BCKDHA: variants seen among roughly 807,000 people sequenced by gnomAD.
BCKDHA encodes the protein branched chain keto acid dehydrogenase E1 subunit alpha, also known as 2-oxoisovalerate dehydrogenase subunit alpha, mitochondrial.
Under a neutral mutation model 52.2 loss-of-function variants are expected in BCKDHA, and 43 were observed. The ratio of observed to expected loss-of-function variants is 0.82; its 90% CI spans 0.64 to 1.06. The LOEUF is 1.06. Among genes scored for constraint, BCKDHA ranks in the 50% least tolerant of loss-of-function variants. BCKDHA has a pLI of 0.00. For synonymous variants in BCKDHA, 234 were observed against 247.9 expected (o/e 0.94, Z 0.53); for missense variants, 527 against 621.3 (o/e 0.85, Z 1.61).
chr19:41,420,151 G>C (rs1008967708), intron 5 of BCKDHA, among the ~76,000 whole-genome samples: 4 of 152,220 alleles, frequency 2.6e-5, no homozygotes, highest in African/African-American at 4.8e-5. Flanking sequence ...TCAGGGGCCT[G>C]AAGCCTGTGT....
At chr19:41,416,697 A>C (rs897184907) in intron 4 of BCKDHA, among the ~76,000 whole-genome samples, 8 of 151,996 alleles carry the variant, frequency 5.3e-5, no homozygotes, top group Non-Finnish European at 1.2e-4. Flanking sequence ...AGGCGGGAGG[A>C]TTGCTTGAGC....
chr19:41,405,128 C>T lies in BCKDHA; in HGVS notation c.109-5509C>T, dbSNP rs558357976. On this transcript the variant is annotated intron_variant, in intron 1 of 8. Coordinates refer to ENST00000269980, the MANE Select transcript of BCKDHA (RefSeq NM_000709.4). The stretch of plus-strand genomic sequence containing the variant: ...CAAGAACAATCATGAGAAATACTTA[C>T]TCACTACTTGTGTTTATGAAACATT... Among the ~76,000 whole-genome samples, 93 of 152,238 alleles carry T rather than the reference C, an allele frequency of 6.1e-4. 4 individuals carry two copies. The South Asian group carries it at 0.011, about 17-fold the overall frequency.
chr19:41,420,818 C>T (rs1192632954), intron 5 of BCKDHA, among the ~76,000 whole-genome samples: 2 of 152,176 alleles, frequency 1.3e-5, no homozygotes, highest in South Asian at 2.1e-4. Context: ...TTTTGGGAAG[C>T]AAACCCACTG....
chr19:41,424,479 C>T lies in BCKDHA; in HGVS notation c.1209C>T (p.Pro403=), dbSNP rs145595627. The part of the protein sequence containing the change: ...AFEQAERKPK[P]NPNLLFSDVY... ...AGCAGGCCGAGCGGAAGCCCAAACCCAACCCCAACCTACTCTTCTCAGACG... is the reference window on the plus strand; with the variant it reads ...AGCAGGCCGAGCGGAAGCCCAAACCTAACCCCAACCTACTCTTCTCAGACG... The change falls in exon 9 of 9, where the codon CCC becomes CCT. Residue 403 remains proline, a synonymous_variant. Coordinates refer to ENST00000269980, the MANE Select transcript of BCKDHA (RefSeq NM_000709.4). 2.5e-6 allele frequency: 4 copies of T among 1,614,176 alleles called. No homozygotes were observed. Among genetic ancestry groups the T allele is most frequent in the Non-Finnish European group, 3.4e-6 (4 of 1,180,040 alleles).
At chr19:41,422,023 G>A (rs747742337) in intron 5 of BCKDHA, 141 bp from the exon 6 acceptor site, 20 of 807,262 alleles carry the variant, frequency 2.5e-5, no homozygotes, top group Non-Finnish European at 3.5e-5. Context: ...GGGGGCATCA[G>A]GAGCTGAGGT....
chr19:41,416,013 G>A (rs1397165794), intron 4 of BCKDHA, among the ~76,000 whole-genome samples: 1 of 148,742 alleles, frequency 6.7e-6, no homozygotes, highest in Non-Finnish European at 1.5e-5. Context: ...GCGCAGTCTT[G>A]GCTCATTGCA....
At position 41,413,963 on chromosome 19, in the gene BCKDHA, G is replaced by A. The variant is rs1485369774; in HGVS notation, c.376-86G>A. ...AGGAGGACTGTGAATTCATGGAGGT[G>A]TTGGAAGCTGGGCAGGATTTGGATG... On this transcript the variant is annotated intron_variant, in intron 3 of 8. Transcript: ENST00000269980. 3.4e-6 allele frequency: 4 copies of A among 1,165,120 alleles called. No individual in the cohort carries two copies. In the East Asian group the frequency reaches 7.0e-5, roughly 20 times the overall value. The allele number at this position is 1,165,120 out of a possible 1,614,324, so 72.2% of individuals were successfully genotyped here.
chr19:41,422,593 GC>G, intron 6 of BCKDHA, 35 bp from the exon 7 acceptor site: 1 of 1,612,862 alleles, frequency 6.2e-7, no homozygotes, highest in East Asian at 2.2e-5. Context: ...CCTTATCTCA[GC>G]CCTGGCCTGA....
chr19:41,405,275 GT>G (rs1417643969), intron 1 of BCKDHA, among the ~76,000 whole-genome samples: 1 of 152,002 alleles, frequency 6.6e-6, no homozygotes, highest in Non-Finnish European at 1.5e-5. Flanking sequence ...GGCTCAGGGA[GT>G]TTTTCTTTAA....
chr19:41,405,240 C>T (rs867801450), intron 1 of BCKDHA, among the ~76,000 whole-genome samples: 1 of 152,160 alleles, frequency 6.6e-6, no homozygotes, highest in Non-Finnish European at 1.5e-5. Context: ...TTATACCACC[C>T]TCGGTGTACA....
chr19:41,398,584 G>A (rs927688033), intron 1 of BCKDHA, among the ~76,000 whole-genome samples: 15 of 152,172 alleles, frequency 9.9e-5, no homozygotes, highest in African/African-American at 3.6e-4. Flanking sequence ...TACAGACAGG[G>A]CACTTTGCCC....
At chr19:41,411,078 A>C (rs1289283999) in intron 3 of BCKDHA, 69 bp downstream of exon 3, 2 of 1,520,400 alleles carry the variant, frequency 1.3e-6, no homozygotes, top group Non-Finnish European at 1.8e-6. Flanking sequence ...GTTTGGGCCA[A>C]AGGAATGGCT....
chr19:41,424,516 A>G lies in BCKDHA; in HGVS notation c.1246A>G (p.Met416Val), dbSNP rs770222494. 6.2e-7 allele frequency: 1 copy of G among 1,614,068 alleles called. No homozygotes were observed. The highest frequency in any genetic ancestry group is 2.2e-5 in the East Asian group (1 of 44,876). Residue 416 changes from methionine to valine, a missense_variant, in exon 9 of 9, where the codon ATG becomes GTG. Met to Val is a conservative substitution (Grantham distance 21). Coordinates refer to ENST00000269980, the MANE Select transcript of BCKDHA (RefSeq NM_000709.4). ...NLLFSDVYQE[M>V]PAQLRKQQES... The stretch of plus-strand genomic sequence containing the variant: ...ACTCTTCTCAGACGTGTATCAGGAG[A>G]TGCCCGCCCAGCTCCGCAAGCAGCA...
At chr19:41,421,296 G>C (rs940695310) in intron 5 of BCKDHA, among the ~76,000 whole-genome samples, 2 of 152,278 alleles carry the variant, frequency 1.3e-5, no homozygotes, top group Admixed American at 1.3e-4. Flanking sequence ...CTGCCATTGT[G>C]GTGGGGGAGA....
chr19:41,416,308 C>T (rs1327779078), intron 4 of BCKDHA, among the ~76,000 whole-genome samples: 1 of 152,288 alleles, frequency 6.6e-6, no homozygotes, highest in Admixed American at 6.5e-5. Flanking sequence ...CACTGCACTG[C>T]AGAGCGAGGG....
At chr19:41,413,943 G>T in intron 3 of BCKDHA, 106 bp from the exon 4 acceptor site, 1 of 961,686 alleles carries the variant, frequency 1.0e-6, no homozygotes. Context: ...CCTTCAGGAG[G>T]ACTGTGAATT....
At chr19:41,417,912 C>T (rs1372114078) in intron 4 of BCKDHA, among the ~76,000 whole-genome samples, 1 of 149,742 alleles carries the variant, frequency 6.7e-6, no homozygotes, top group Non-Finnish European at 1.5e-5. Context: ...AAGAGCAAAA[C>T]TCCGTCTCAA....
At chr19:41,408,319 C>T (rs926051864) in intron 1 of BCKDHA, among the ~76,000 whole-genome samples, 1 of 151,560 alleles carries the variant, frequency 6.6e-6, no homozygotes, top group African/African-American at 2.4e-5. Flanking sequence ...CCTCCCCAGG[C>T]CTCGGTTTCC....
chr19:41,413,944 A>G, intron 3 of BCKDHA, 105 bp from the exon 4 acceptor site: 1 of 963,522 alleles, frequency 1.0e-6, no homozygotes, highest in Non-Finnish European at 1.7e-6. Flanking sequence ...CTTCAGGAGG[A>G]CTGTGAATTC....
Sources: allele counts gnomAD v4.1 joint callset (sites outside exome capture counted in the v4.1 genomes callset), GRCh38; gene constraint gnomAD v4.1.1; transcripts MANE v1.5; gene names NCBI Gene and HGNC (gene_info 2026-07-23, HGNC 2026-07-21).